DLGAP1: variants seen among roughly 807,000 people sequenced by gnomAD.
DLGAP1 encodes DLG associated protein 1.
In DLGAP1, 11 loss-of-function variants were observed where a neutral mutation model predicts 90.8. The observed-to-expected ratio is 0.12, with a 90% CI of 0.08 to 0.20. The LOEUF (loss-of-function observed/expected upper bound fraction) is 0.20. Ranked by LOEUF, DLGAP1 falls within the 10% of genes least tolerant of loss-of-function variation. The pLI, the probability that DLGAP1 is intolerant of heterozygous loss-of-function variation, is 1.00. For missense variants in DLGAP1, 1,050 were observed against 1,333.8 expected, an observed-to-expected ratio of 0.79 and a Z score of 3.31; for synonymous variants, 558 against 540.7, an observed-to-expected ratio of 1.03 and a Z score of -0.44.
At chr18:4,032,983 G>A (rs1163499864) in intron 2 of DLGAP1, among the ~76,000 whole-genome samples, 1 of 152,094 alleles carries the variant, frequency 6.6e-6, no homozygotes, top group Non-Finnish European at 1.5e-5. Flanking sequence ...GAATATTATT[G>A]TAAGCTACAG....
intron 3 of DLGAP1, among the ~76,000 whole-genome samples, chr18:3,979,149 T>A (rs766414767): frequency 1.3e-5 from 2 of 152,214 alleles, no homozygotes; most frequent in Non-Finnish European, 1.5e-5. Context: ...ACCACTATGG[T>A]CATGCACCAC....
intron 9 of DLGAP1, among the ~76,000 whole-genome samples, chr18:3,558,522 C>T (rs527568126): frequency 3.5e-4 from 53 of 152,216 alleles, no homozygotes; most frequent in Admixed American, 2.6e-3. Flanking sequence ...TATTAGCCAC[C>T]GGGCCCAGCT....
chr18:4,238,781 GC>G (rs1183401235), intron 1 of DLGAP1, among the ~76,000 whole-genome samples: 3 of 152,138 alleles, frequency 2.0e-5, no homozygotes, highest in African/African-American at 7.2e-5. Flanking sequence ...AGAAATGGGT[GC>G]CCTTTAGGCA....
chr18:4,052,896 C>A (rs148104852), intron 2 of DLGAP1, among the ~76,000 whole-genome samples: 2 of 152,314 alleles, frequency 1.3e-5, no homozygotes, highest in East Asian at 1.9e-4. Context: ...TTGCTGGAAT[C>A]ACCACTGCTC....
At chr18:3,976,216 A>AATAATAATG (rs916040279) in intron 3 of DLGAP1, among the ~76,000 whole-genome samples, 4 of 149,922 alleles carry the variant, frequency 2.7e-5, no homozygotes. Flanking sequence ...TAATAATAAT[A>AATAATAATG]ATAACGATAA....
chr18:4,199,288 A>G (rs2077562268), intron 1 of DLGAP1, among the ~76,000 whole-genome samples: 2 of 152,242 alleles, frequency 1.3e-5, no homozygotes. Flanking sequence ...CATCTTCTCC[A>G]GCGTGGCGTA....
rs181381727 is a variant in DLGAP1, at chr18:3,745,539, G to A, written c.1173-3027C>T. On this transcript the variant is annotated intron_variant, in intron 5 of 12. Coordinates refer to ENST00000315677, the MANE Select transcript of DLGAP1 (RefSeq NM_004746.4). ...AGTTAAGTATTAGTGGTAGTAGAGA[G>A]GAAGAGATAGATTTGAGAATCCACA... is the stretch of plus-strand genomic sequence containing the variant. Among the ~76,000 whole-genome samples the A allele has an allele frequency of 3.3e-3, 501 of 152,208 alleles. 3 individuals are homozygous for A. The highest frequency in any genetic ancestry group is 8.1e-3 in the Admixed American group (124 of 15,286).
At chr18:3,985,761 A>G (rs2073829311) in intron 3 of DLGAP1, among the ~76,000 whole-genome samples, 1 of 152,136 alleles carries the variant, frequency 6.6e-6, no homozygotes, top group Non-Finnish European at 1.5e-5. Context: ...GTTGTGCTCT[A>G]TAAATACCCC....
At chr18:4,142,023 A>G (rs2076502848) in intron 2 of DLGAP1, among the ~76,000 whole-genome samples, 1 of 152,024 alleles carries the variant, frequency 6.6e-6, no homozygotes, top group Non-Finnish European at 1.5e-5. Flanking sequence ...GATGGTCTTG[A>G]TGTTTGTGGT....
intron 9 of DLGAP1, among the ~76,000 whole-genome samples, chr18:3,556,297 T>C (rs1172178846): frequency 1.4e-4 from 5 of 35,260 alleles, no homozygotes; most frequent in Non-Finnish European, 6.0e-4. Flanking sequence ...ACACTGGCTG[T>C]CATTATCACC....
intron 1 of DLGAP1, among the ~76,000 whole-genome samples, chr18:4,421,510 G>C (rs559097596): frequency 6.6e-6 from 1 of 151,912 alleles, no homozygotes; most frequent in African/African-American, 2.4e-5. Flanking sequence ...TGTCTTTTAG[G>C]GGATTACTAT....
intron 7 of DLGAP1, among the ~76,000 whole-genome samples, chr18:3,676,729 C>A (rs2060317493): frequency 6.6e-6 from 1 of 151,590 alleles, no homozygotes; most frequent in Non-Finnish European, 1.5e-5. Context: ...GGTCAGTATA[C>A]ACAAACAAAC....
At chr18:3,606,426 CAG>C (rs1352735545) in intron 7 of DLGAP1, 3 of 149,750 alleles carry the variant, frequency 2.0e-5, no homozygotes, top group African/African-American at 5.0e-5. Context: ...GTAAGTCAAA[CAG>C]AAATACAACA....
At chr18:4,141,220 C>G (rs114567126) in intron 2 of DLGAP1, among the ~76,000 whole-genome samples, 2,156 of 151,814 alleles carry the variant, frequency 0.014, 45 homozygotes, top group African/African-American at 0.05. Context: ...ATACTTCATT[C>G]TTTTTTATTC....
chr18:3,994,380 G>T (rs2074028023), intron 3 of DLGAP1, among the ~76,000 whole-genome samples: 1 of 152,094 alleles, frequency 6.6e-6, no homozygotes, highest in Admixed American at 6.5e-5. Context: ...CTTGTCTCTG[G>T]GTACCTCGGC....
chr18:3,848,573 C>T (rs1363411576), intron 4 of DLGAP1, among the ~76,000 whole-genome samples: 2 of 152,130 alleles, frequency 1.3e-5, no homozygotes, highest in Non-Finnish European at 2.9e-5. Flanking sequence ...ACTCTCCCGC[C>T]CCCATCTCCA....
In DLGAP1 at chr18:3,508,822, C is replaced by T. The variant is rs142991062; in HGVS notation, c.2480-161G>A. 2.0e-5 allele frequency among the ~76,000 whole-genome samples: 3 copies of T among 152,224 alleles called. No homozygotes were observed. In the East Asian group the frequency reaches 5.8e-4, roughly 29 times the overall value. ...CCAGACAGCCCAATCACTGTTGTCA[C>T]CCTGTTGGTCTGTGTCACAGAGGCT... On this transcript the variant is annotated intron_variant, in intron 10 of 12. Coordinates refer to ENST00000315677, the MANE Select transcript of DLGAP1 (RefSeq NM_004746.4).
At position 4,432,887 on chromosome 18, in the gene DLGAP1, G is replaced by A. The variant is rs113487599; in HGVS notation, c.-267+22119C>T. Among the ~76,000 whole-genome samples the A allele has an allele frequency of 4.3e-3, 657 of 152,082 alleles. 3 individuals are homozygous for A. The highest frequency in any genetic ancestry group is 0.015 in the African/African-American group (631 of 41,478). On this transcript the variant is annotated intron_variant, in intron 1 of 12. Coordinates refer to ENST00000315677, the MANE Select transcript of DLGAP1 (RefSeq NM_004746.4). ...ATTCAGTTCTCCCAAACAGGCCCTC[G>A]AGAAGTTACTTAAGTGTACAATCAG...
At chr18:4,374,725 T>C (rs2081980903) in intron 1 of DLGAP1, among the ~76,000 whole-genome samples, 1 of 152,018 alleles carries the variant, frequency 6.6e-6, no homozygotes, top group East Asian at 1.9e-4. Context: ...ACCAATACAA[T>C]TTACCAGTAA....
Sources: gnomAD v4.1 joint callset for allele counts (sites outside exome capture counted in the v4.1 genomes callset) on GRCh38, gnomAD v4.1.1 for gene constraint, MANE v1.5 for transcripts, NCBI Gene and HGNC (gene_info 2026-07-23, HGNC 2026-07-21) for gene names.